HSPA14: variants seen among roughly 807,000 people sequenced by gnomAD.
HSPA14 encodes the protein heat shock 70 kDa protein 14.
In HSPA14, 37 loss-of-function variants were observed where a neutral mutation model predicts 65.5. The observed-to-expected ratio is 0.56, with a 90% CI of 0.43 to 0.74. The LOEUF (loss-of-function observed/expected upper bound fraction) is 0.74. Ranked by LOEUF, HSPA14 falls within the 30% of genes least tolerant of loss-of-function variation. The pLI, the probability that HSPA14 is intolerant of heterozygous loss-of-function variation, is 0.00. For missense variants in HSPA14, 564 were observed against 607.6 expected (o/e 0.93, Z 0.75); for synonymous variants, 203 against 214.2 (o/e 0.95, Z 0.46).
chr10:14,870,812 C>A, intron 13 of HSPA14, 145 bp downstream of exon 13: 1 of 732,248 alleles, frequency 1.4e-6, no homozygotes, highest in Non-Finnish European at 2.0e-6. Context: ...CATTTTTTGC[C>A]CCCAGAATTA....
chr10:14,849,720 GA>G lies in HSPA14; in HGVS notation c.379del (p.Thr127ArgfsTer13). ...VARLIFSKMK[E>X]TAHSVLGSDA... is the part of the protein sequence containing the mutation. ...AGAATTTTATATTTTTTAATATGCA[GA>G]AACGGCACATTCTGTATTGGGCTCA... On this transcript the variant is annotated frameshift_variant and splice_region_variant, in exon 6 of 14. Coordinates refer to ENST00000378372, the MANE Select transcript of HSPA14 (RefSeq NM_016299.4). LOFTEE classifies it high-confidence loss of function. 6.3e-7 allele frequency: 1 copy of G among 1,595,594 alleles called. No homozygotes were observed. Among genetic ancestry groups the G allele is most frequent in the Non-Finnish European group, 8.5e-7 (1 of 1,172,138 alleles).
chr10:14,849,448 G>A lies in HSPA14; in HGVS notation c.377-273G>A, dbSNP rs1295456550. On this transcript the variant is annotated intron_variant, in intron 5 of 13. Coordinates refer to ENST00000378372, the MANE Select transcript of HSPA14 (RefSeq NM_016299.4). ...GATGCGTTAGGAGCTTATTCTCCAT[G>A]GAGTCAGTCTAATTCAGAAGATGGT... The A allele has an allele frequency of 7.1e-6, 4 of 564,976 alleles. No individual in the cohort carries two copies. In the East Asian group the frequency reaches 1.8e-4, roughly 25 times the overall value. 35.0% of individuals were successfully genotyped at this position (564,976 alleles called of 1,614,324 possible). A position where few individuals can be genotyped will look rare whatever the true frequency, so the allele number is the denominator to read the frequency against.
intron 1 of HSPA14, 64 bp downstream of exon 1, chr10:14,838,523 A>C (rs1025873097): frequency 7.5e-6 from 11 of 1,470,382 alleles, no homozygotes; most frequent in Non-Finnish European, 9.2e-6. Context: ...GCGCTGGGTC[A>C]TCCACAGGCT....
intron 1 of HSPA14, 51 bp downstream of exon 1, chr10:14,838,510 C>T (rs1420544097): frequency 2.0e-6 from 3 of 1,525,032 alleles, no homozygotes; most frequent in Non-Finnish European, 2.7e-6. Context: ...ACCCGGTTTT[C>T]TGGCGCTGGG....
chr10:14,851,384 G>T (rs1834107830), intron 7 of HSPA14, 61 bp downstream of exon 7: 1 of 905,462 alleles, frequency 1.1e-6, no homozygotes, highest in African/African-American at 1.7e-5. Context: ...AGATTATAGA[G>T]ATTATATCAG....
At chr10:14,849,671 C>G in intron 5 of HSPA14, 50 bp from the exon 6 acceptor site, 1 of 1,313,938 alleles carries the variant, frequency 7.6e-7, no homozygotes, top group South Asian at 1.2e-5. Flanking sequence ...CAGAAAGTAT[C>G]ACTTGTCATT....
At chr10:14,845,924 A>T in intron 3 of HSPA14, 2 of 691,378 alleles carry the variant, frequency 2.9e-6, no homozygotes, top group Middle Eastern at 7.6e-4. Context: ...TTTTTTTCCT[A>T]GTACCTTCCA....
chr10:14,839,839 TG>T, intron 1 of HSPA14, 65 bp from the exon 2 acceptor site: 1 of 1,149,134 alleles, frequency 8.7e-7, no homozygotes, highest in South Asian at 1.5e-5. Context: ...AAAGTAACAC[TG>T]GTGCACAAAT....
chr10:14,849,285 T>C, intron 5 of HSPA14: 1 of 409,750 alleles, frequency 2.4e-6, no homozygotes, highest in Non-Finnish European at 4.8e-6. Flanking sequence ...AGTGGTATTC[T>C]GTCGAACAAT....
intron 10 of HSPA14, among the ~76,000 whole-genome samples, chr10:14,856,463 C>A (rs979722550): frequency 1.3e-5 from 2 of 152,176 alleles, no homozygotes; most frequent in African/African-American, 4.8e-5. Context: ...GCTTCCCGTT[C>A]CTTGCTTAGG....
At chr10:14,844,253 G>A (rs1388114294) in intron 3 of HSPA14, 51 of 1,092,078 alleles carry the variant, frequency 4.7e-5, no homozygotes, top group Non-Finnish European at 5.5e-5. Flanking sequence ...GGGTTGTTGT[G>A]AGGATCACGT....
chr10:14,848,435 C>T (rs1834081097), intron 3 of HSPA14, among the ~76,000 whole-genome samples, 174 bp from the exon 4 acceptor site: 1 of 152,162 alleles, frequency 6.6e-6, no homozygotes, highest in South Asian at 2.1e-4. Flanking sequence ...CTTATAAATA[C>T]TCCATTTCTA....
intron 10 of HSPA14, among the ~76,000 whole-genome samples, chr10:14,865,203 T>A (rs1832794637): frequency 2.0e-5 from 3 of 152,240 alleles, no homozygotes; most frequent in South Asian, 2.1e-4. Flanking sequence ...TTTGAGTTCT[T>A]TGTAGATTGT....
In HSPA14 at chr10:14,871,543, T is replaced by A. The variant is rs188294142; in HGVS notation, c.1467T>A (p.His489Gln). The change falls in exon 14 of 14, where the codon CAT (histidine) becomes CAA (glutamine). Residue 489 changes from histidine (H) to glutamine (Q), a missense_variant. Transcript: ENST00000378372. ...VLTMKRDGSL[H>Q]VTCTDQETGK... The stretch of plus-strand genomic sequence containing the variant: ...GTCTGTTTAGGGATGGATCTTTACA[T>A]GTGACATGCACAGATCAAGAAACTG... The A allele has an allele frequency of 4.3e-5, 68 of 1,587,346 alleles. 1 individual carries two copies. The Admixed American group carries it at 1.2e-3, about 27-fold the overall frequency.
In HSPA14 at chr10:14,854,100, C is replaced by A; in HGVS notation, c.735-25C>A. The A allele has an allele frequency of 2.6e-6, 4 of 1,565,898 alleles. No individual in the cohort carries two copies. The South Asian group carries it at 4.8e-5, about 19-fold the overall frequency. On this transcript the variant is annotated intron_variant, in intron 8 of 13. Coordinates refer to ENST00000378372, the MANE Select transcript of HSPA14 (RefSeq NM_016299.4). ...TGTAAATGGCCCAGTAATTTTAAAC[C>A]CCAAAGGCTATGTTTTTAATTTAGA...
intron 10 of HSPA14, among the ~76,000 whole-genome samples, chr10:14,856,439 T>C (rs939479845): frequency 2.6e-5 from 4 of 152,234 alleles, no homozygotes; most frequent in Non-Finnish European, 5.9e-5. Context: ...TCCTCATAAC[T>C]AGTATACCAG....
chr10:14,863,968 G>T (rs1011134683), intron 10 of HSPA14, among the ~76,000 whole-genome samples: 1 of 148,552 alleles, frequency 6.7e-6, no homozygotes. Context: ...AAGAGGTTGT[G>T]TAAGGACACA....
chr10:14,861,425 A>C (rs1286643778), intron 10 of HSPA14, among the ~76,000 whole-genome samples: 1 of 152,152 alleles, frequency 6.6e-6, no homozygotes, highest in East Asian at 1.9e-4. Context: ...TCCCAGGCTC[A>C]AGCGACCCTC....
In HSPA14 at chr10:14,838,448, G is replaced by A; in HGVS notation, c.46G>A (p.Ala16Thr). 6.2e-7 allele frequency: 1 copy of A among 1,605,522 alleles called. No homozygotes were observed. Among genetic ancestry groups the A allele is most frequent in the Non-Finnish European group, 8.5e-7 (1 of 1,178,054 alleles). The change falls in exon 1 of 14, where the codon GCC (alanine) becomes ACC (threonine). Residue 16 changes from alanine to threonine, a missense_variant. Transcript: ENST00000378372. ...CCTGGGCTGCACCTCAGCCTGTGTG[G>A]CCGTCTATAAGGTGAGGGGCTGCGG... ...VHLGCTSACVAVYKDGRAGVV... is the reference protein window; with the variant it reads ...VHLGCTSACVTVYKDGRAGVV...
Sources: allele counts gnomAD v4.1 joint callset (sites outside exome capture counted in the v4.1 genomes callset), GRCh38; gene constraint gnomAD v4.1.1; transcripts MANE v1.5; gene names NCBI Gene and HGNC (gene_info 2026-07-23, HGNC 2026-07-21).